Variants in AFF2 observed in about 807,000 individuals in gnomAD.
AFF2 encodes AF4/FMR2 family member 2.
A neutral mutation model predicts 76.9 loss-of-function variants in AFF2; 14 were observed. The ratio of observed to expected loss-of-function variants is 0.18; its 90% confidence interval spans 0.12 to 0.28. The LOEUF (loss-of-function observed/expected upper bound fraction) is 0.28, where lower values mean the gene tolerates loss of function less well. Among genes scored for constraint, AFF2 ranks in the 10% least tolerant of loss-of-function variants. The pLI, the probability that AFF2 is intolerant of heterozygous loss-of-function variation, is 1.00. For missense variants in AFF2, 868 were observed against 1,001.1 expected (o/e 0.87, Z 1.79); for synonymous variants, 398 against 366.7 (o/e 1.09, Z -0.98).
intron 3 of AFF2, among the ~76,000 whole-genome samples, chrX:148,781,001 GC>G (rs1557269049): frequency 8.9e-6 from 1 of 111,921 alleles, no homozygotes. Flanking sequence ...CTTCTAACAG[GC>G]CCCTCTTCTG....
At chrX:148,574,175 C>A (rs1569551462) in intron 1 of AFF2, among the ~76,000 whole-genome samples, 3 of 111,192 alleles carry the variant, frequency 2.7e-5, no homozygotes. Flanking sequence ...TTGTCTGAGT[C>A]ATGGAAATCA....
rs963861211 is a variant in AFF2 at position 148,974,375 on chromosome X, G to A, written c.3404+768G>A. On this transcript the variant is annotated intron_variant, in intron 16 of 20. Coordinates refer to ENST00000370460, the MANE Select transcript of AFF2 (RefSeq NM_002025.4). ...CCCTGAATAGTGGATAAGCACCATC[G>A]TTCACTAGATGGACTAAATAATCAC... is the stretch of plus-strand genomic sequence containing the variant. Among the ~76,000 whole-genome samples the A allele has an allele frequency of 4.5e-5, 5 of 111,246 alleles. No individual in the cohort carries two copies. The East Asian group carries it at 1.1e-3, about 25-fold the overall frequency.
intron 3 of AFF2, among the ~76,000 whole-genome samples, chrX:148,802,287 G>A (rs1469197544): frequency 2.7e-5 from 3 of 112,041 alleles, no homozygotes; most frequent in African/African-American, 6.5e-5. Context: ...TTATTCTGTG[G>A]CAACATAAGA....
chrX:148,916,196 CTTTTTTTTTTTTTTTTTT>C (rs782508166), intron 9 of AFF2, among the ~76,000 whole-genome samples: 1 of 34,032 alleles, frequency 2.9e-5, no homozygotes, highest in African/African-American at 1.2e-4. Context: ...GTGGTTTTAA[CTTTTTTTTTTTTTTTTTT>C]TTTTTTTTTT....
chrX:148,593,300 A>G (rs1200416831), intron 1 of AFF2, among the ~76,000 whole-genome samples: 1 of 112,376 alleles, frequency 8.9e-6, no homozygotes, highest in Non-Finnish European at 1.9e-5. Flanking sequence ...AGGAGTCTAG[A>G]ACATGGGTGG....
At chrX:148,552,223 A>G (rs1348534576) in intron 1 of AFF2, among the ~76,000 whole-genome samples, 2 of 111,887 alleles carry the variant, frequency 1.8e-5, no homozygotes, top group Non-Finnish European at 3.8e-5. Flanking sequence ...GTGGCAAAAC[A>G]TACTTGAGGG....
At chrX:148,982,991 G>A (rs1282585470) in intron 19 of AFF2, among the ~76,000 whole-genome samples, 2 of 112,238 alleles carry the variant, frequency 1.8e-5, no homozygotes, top group Non-Finnish European at 3.8e-5. Flanking sequence ...TTGGTGAGAA[G>A]AATGTAAATC....
At chrX:148,956,932 C>T (rs116506219) in intron 11 of AFF2, among the ~76,000 whole-genome samples, 1,612 of 112,777 alleles carry the variant, frequency 0.014, 41 homozygotes, top group African/African-American at 0.05. Flanking sequence ...TCTTCTAGGG[C>T]TTTTTAATTT....
At chrX:148,695,376 T>C (rs1178637815) in intron 3 of AFF2, among the ~76,000 whole-genome samples, 9 of 111,799 alleles carry the variant, frequency 8.1e-5, no homozygotes, top group Non-Finnish European at 1.5e-4. Context: ...TCTAGTGTAA[T>C]GCATGTATAT....
chrX:148,523,153 A>G (rs1368141938), intron 1 of AFF2, among the ~76,000 whole-genome samples: 1 of 112,355 alleles, frequency 8.9e-6, no homozygotes, highest in Non-Finnish European at 1.9e-5. Context: ...GTTAATATCA[A>G]TTTTCAACAT....
At chrX:148,774,623 T>TA (rs1191105129) in intron 3 of AFF2, among the ~76,000 whole-genome samples, 6 of 111,653 alleles carry the variant, frequency 5.4e-5, no homozygotes, top group Admixed American at 9.6e-5. Flanking sequence ...GCCGCTGCTC[T>TA]AAAAAAAATT....
chrX:148,501,394 A>G (rs782429697), intron 1 of AFF2, among the ~76,000 whole-genome samples: 1 of 112,436 alleles, frequency 8.9e-6, no homozygotes, highest in Non-Finnish European at 1.9e-5. Context: ...AAAGAGTTGC[A>G]TTTGGCTCAC....
chrX:148,798,087 A>G (rs1557270666), intron 3 of AFF2, among the ~76,000 whole-genome samples: 1 of 112,231 alleles, frequency 8.9e-6, no homozygotes, highest in Non-Finnish European at 1.9e-5. Context: ...AGATGTCAGC[A>G]TCTGGCACAG....
chrX:148,961,024 G>T (rs1429325387), intron 12 of AFF2, among the ~76,000 whole-genome samples: 12 of 112,011 alleles, frequency 1.1e-4, no homozygotes, highest in Non-Finnish European at 2.3e-4. Flanking sequence ...ATGTAAAGGG[G>T]GCCAGGTCAC....
At chrX:148,523,209 A>G (rs1293771393) in intron 1 of AFF2, among the ~76,000 whole-genome samples, 3 of 112,435 alleles carry the variant, frequency 2.7e-5, no homozygotes, top group Non-Finnish European at 5.6e-5. Context: ...CAGGTCCTGT[A>G]TATGATTAAA....
intron 3 of AFF2, among the ~76,000 whole-genome samples, chrX:148,742,152 C>G: frequency 8.9e-6 from 1 of 111,825 alleles, no homozygotes; most frequent in South Asian, 3.8e-4. Flanking sequence ...CTAGTCCTGC[C>G]TCCCACCCAC....
At position 148,996,679 on chromosome X, in the gene AFF2, G is replaced by C. The variant is rs2072604476; in HGVS notation, c.*5347G>C. The C allele has an allele frequency of 1.8e-5, 2 of 111,786 alleles. No individual in the cohort carries two copies. Among genetic ancestry groups the C allele is most frequent in the African/African-American group, 6.5e-5 (2 of 30,678 alleles). The allele number at this position is 111,786 out of a possible 1,213,427, so 9.2% of individuals were successfully genotyped here. On this transcript the variant is annotated 3_prime_UTR_variant, in exon 21 of 21. Transcript: ENST00000370460. ...GCTTATGATAAGGCCCTAGAGGTATGGGTTGCCCTGGAAGCCTAGGTTTTA... is the reference window on the plus strand; with the variant it reads ...GCTTATGATAAGGCCCTAGAGGTATCGGTTGCCCTGGAAGCCTAGGTTTTA...
At chrX:148,967,513 G>T (rs1413322271) in intron 14 of AFF2, 116 bp from the exon 15 acceptor site, 2 of 652,189 alleles carry the variant, frequency 3.1e-6, no homozygotes, top group African/African-American at 2.2e-5. Context: ...GCATTAGTCT[G>T]CCTTTTTCAA....
rs202163393 is a variant in AFF2, at chrX:148,973,410, C to T, written c.3268-61C>T. ...AAAACTACCCCCCAGTTTCAAACCA[C>T]TCTTTTATATGAAGGAGAAAACAGA... On this transcript the variant is annotated intron_variant, in intron 15 of 20. Transcript: ENST00000370460. 220 of 1,185,291 alleles carry T rather than the reference C, an allele frequency of 1.9e-4. 1 individual carries two copies. Among genetic ancestry groups the T allele is most frequent in the Non-Finnish European group, 3.0e-5 (26 of 877,561 alleles).
Sources: allele counts gnomAD v4.1 joint callset (sites outside exome capture counted in the v4.1 genomes callset), GRCh38; gene constraint gnomAD v4.1.1; transcripts MANE v1.5; gene names NCBI Gene and HGNC (gene_info 2026-07-23, HGNC 2026-07-21).